CRACDL: variants seen among roughly 807,000 people sequenced by gnomAD.
CRACDL encodes CRACD like.
Under a neutral mutation model 70.6 loss-of-function variants are expected in CRACDL, and 26 were observed. That is an observed-to-expected ratio of 0.37 (90% CI 0.27 to 0.51). The LOEUF (loss-of-function observed/expected upper bound fraction) is 0.51. Among genes scored for constraint, CRACDL ranks in the 20% least tolerant of loss-of-function variants. CRACDL has a pLI of 0.94. For synonymous variants in CRACDL, 618 were observed against 615.2 expected (o/e 1.00, Z -0.07); for missense variants, 1,283 against 1,376.9 (o/e 0.93, Z 1.08).
intron 7 of CRACDL, among the ~76,000 whole-genome samples, chr2:98,808,340 A>G (rs1379055404): frequency 1.3e-5 from 2 of 152,206 alleles, no homozygotes; most frequent in African/African-American, 2.4e-5. Context: ...TCTGGGATTC[A>G]TCCTGGGCAG....
intron 7 of CRACDL, among the ~76,000 whole-genome samples, chr2:98,802,201 C>T (rs551161355): frequency 4.6e-5 from 7 of 152,378 alleles, no homozygotes; most frequent in Admixed American, 2.6e-4. Flanking sequence ...CGGGTCTGAT[C>T]GGGGCTGCCC....
At chr2:98,837,447 C>G (rs528607428) in intron 3 of CRACDL, among the ~76,000 whole-genome samples, 5 of 150,660 alleles carry the variant, frequency 3.3e-5, no homozygotes, top group African/African-American at 9.8e-5. Flanking sequence ...AAAGGGCCAG[C>G]GTTGTCTTAA....
rs372620989 is a variant in CRACDL, at chr2:98,823,420, C to T, written c.853G>A (p.Val285Met). The T allele has an allele frequency of 4.7e-4, 737 of 1,572,254 alleles. No homozygotes were observed. Among genetic ancestry groups the T allele is most frequent in the Non-Finnish European group, 6.0e-4 (703 of 1,167,420 alleles). Residue 285 changes from valine to methionine, a missense_variant, in exon 7 of 10, where the codon GTG (valine) becomes ATG (methionine). Val to Met is a conservative substitution (Grantham distance 21, BLOSUM62 1). Coordinates refer to ENST00000397899, the MANE Select transcript of CRACDL (RefSeq NM_207362.3). This position sits in a 1 kb window ranked among gnomAD's most constrained non-coding sequence, Gnocchi z 4.0. ...EERPSSGQQDVAPDRGPEPGP... is the reference protein window; with the variant it reads ...EERPSSGQQDMAPDRGPEPGP... ...GGCTCAGGGCCTCTGTCTGGCGCCA[C>T]GTCCTGCTGCCCAGAGCTGGGGCGC...
At chr2:98,932,223 C>A (rs1709095704) in intron 1 of CRACDL, among the ~76,000 whole-genome samples, 1 of 152,182 alleles carries the variant, frequency 6.6e-6, no homozygotes, top group African/African-American at 2.4e-5. Flanking sequence ...CAGCATCAAG[C>A]CACAGGTGGG....
At chr2:98,889,933 A>G (rs879780833) in intron 1 of CRACDL, among the ~76,000 whole-genome samples, 5 of 152,224 alleles carry the variant, frequency 3.3e-5, no homozygotes, top group Non-Finnish European at 7.3e-5. Flanking sequence ...AGAAATCATA[A>G]GAGAAGTAGA....
intron 7 of CRACDL, among the ~76,000 whole-genome samples, chr2:98,800,461 G>T (rs1196101932): frequency 2.0e-5 from 3 of 152,184 alleles, no homozygotes; most frequent in African/African-American, 7.2e-5. Flanking sequence ...TCTGAAGGTT[G>T]TGTGGAGAAT....
intron 3 of CRACDL, among the ~76,000 whole-genome samples, chr2:98,834,788 T>C (rs1031007988): frequency 2.0e-5 from 3 of 152,156 alleles, no homozygotes; most frequent in Non-Finnish European, 4.4e-5. Context: ...TTATATCAGA[T>C]TGTTGGCATG....
At chr2:98,869,005 C>T in intron 1 of CRACDL, 1 of 971,282 alleles carries the variant, frequency 1.0e-6, no homozygotes, top group Non-Finnish European at 1.5e-6. Context: ...CCACCCACGC[C>T]CCGGGAGTCA....
intron 1 of CRACDL, among the ~76,000 whole-genome samples, chr2:98,877,204 T>C (rs1350831489): frequency 6.6e-6 from 1 of 152,204 alleles, no homozygotes. Context: ...TACCCTCGAC[T>C]TTACCACTAA....
chr2:98,835,812 A>G (rs905191268), intron 3 of CRACDL, among the ~76,000 whole-genome samples: 5 of 152,342 alleles, frequency 3.3e-5, no homozygotes, highest in African/African-American at 9.6e-5. Context: ...GAATGATAGA[A>G]TTAGAAAAAC....
Position 98,795,040 on chromosome 2 carries a change from A to AATATATAAAAATTTATATATAT in CRACDL, c.2750-370_2750-369insATATATATAAATTTTTATATAT, listed in dbSNP as rs1329934418. ...GTTATGTGCCCTTACCATAATTAAA[A>AATATATAAAAATTTATATATAT]ATATATATATATATATATATATATA... On this transcript the variant is annotated intron_variant, in intron 9 of 9. Coordinates refer to ENST00000397899, the MANE Select transcript of CRACDL (RefSeq NM_207362.3). Among the ~76,000 whole-genome samples the AATATATAAAAATTTATATATAT allele has an allele frequency of 1.7e-3, 46 of 27,678 alleles. 6 individuals carry two copies. Among genetic ancestry groups the AATATATAAAAATTTATATATAT allele is most frequent in the African/African-American group, 6.0e-3 (36 of 6,012 alleles). 18.2% of individuals were successfully genotyped at this position (27,678 alleles called of 152,430 possible).
intron 1 of CRACDL, among the ~76,000 whole-genome samples, chr2:98,881,760 C>T (rs1573136477): frequency 6.6e-6 from 1 of 152,178 alleles, no homozygotes; most frequent in Admixed American, 6.5e-5. Flanking sequence ...GAGTGTTTTC[C>T]GGGTCTGTGA....
intron 1 of CRACDL, among the ~76,000 whole-genome samples, chr2:98,928,081 A>G (rs914866279): frequency 2.6e-5 from 4 of 152,152 alleles, no homozygotes; most frequent in African/African-American, 9.7e-5. Context: ...GCTACTCGAG[A>G]GGCTGACACA....
intron 1 of CRACDL, among the ~76,000 whole-genome samples, chr2:98,914,668 T>C (rs1437687724): frequency 6.6e-6 from 1 of 152,102 alleles, no homozygotes; most frequent in Non-Finnish European, 1.5e-5. Flanking sequence ...GCTGGCGACC[T>C]CATGGAGCTT....
At chr2:98,891,028 G>C (rs1264408262) in intron 1 of CRACDL, among the ~76,000 whole-genome samples, 1 of 151,202 alleles carries the variant, frequency 6.6e-6, no homozygotes, top group Admixed American at 6.6e-5. Context: ...TTCCAGCCTG[G>C]GTGACAAGAG....
intron 1 of CRACDL, among the ~76,000 whole-genome samples, chr2:98,857,705 A>G (rs368422273): frequency 6.6e-6 from 1 of 152,220 alleles, no homozygotes; most frequent in East Asian, 1.9e-4. Flanking sequence ...ATTTAACCAT[A>G]CCAACGACAT....
Position 98,822,360 on chromosome 2 carries a change from TGAGGGCCGCGCTCCGCCAGCTTCC to T in CRACDL, c.1889_1912del (p.Arg630_Pro637del). On this transcript the variant is annotated inframe_deletion, in exon 7 of 10. Transcript: ENST00000397899. This position sits in a 1 kb window ranked among gnomAD's most constrained non-coding sequence, Gnocchi z 4.9. ...GCTGGCCGCCCTGTCCCCCGAGTCC[TGAGGGCCGCGCTCCGCCAGCTTCC>T]GAGGGCCAGGTTTCGCGTGCTGGGG... The T allele has an allele frequency of 6.8e-7, 1 of 1,470,158 alleles. No individual in the cohort carries two copies. Among genetic ancestry groups the T allele is most frequent in the Non-Finnish European group, 8.9e-7 (1 of 1,120,302 alleles). 91.1% of individuals were successfully genotyped at this position (1,470,158 alleles called of 1,614,324 possible).
intron 1 of CRACDL, among the ~76,000 whole-genome samples, chr2:98,930,807 A>G (rs4851178): frequency 0.46 from 69,366 of 152,054 alleles, 17,181 homozygotes; most frequent in African/African-American, 0.65. Flanking sequence ...CATTATTAGT[A>G]GGGGTCCTAA....
chr2:98,803,602 CT>C (rs1427864477), intron 7 of CRACDL, among the ~76,000 whole-genome samples: 1 of 152,252 alleles, frequency 6.6e-6, no homozygotes, highest in African/African-American at 2.4e-5. Flanking sequence ...ACACTTCATA[CT>C]TTGGCATATG....
Sources: allele counts gnomAD v4.1 joint callset (sites outside exome capture counted in the v4.1 genomes callset), GRCh38; gene constraint gnomAD v4.1.1; non-coding constraint Gnocchi (gnomAD v3.1); transcripts MANE v1.5; gene names NCBI Gene and HGNC (gene_info 2026-07-23, HGNC 2026-07-21).